Variants in GABRA5 observed in about 807,000 individuals in gnomAD.
GABRA5 encodes gamma-aminobutyric acid type A receptor subunit alpha5.
A neutral mutation model predicts 47.3 loss-of-function variants in GABRA5; 18 were observed. The ratio of observed to expected loss-of-function variants is 0.38; its 90% CI spans 0.26 to 0.56. The LOEUF (loss-of-function observed/expected upper bound fraction) is 0.56. GABRA5 is among the 20% of genes least tolerant of loss of function. GABRA5 has a pLI of 0.71. For synonymous variants in GABRA5, 237 were observed against 229.3 expected (o/e 1.03, Z -0.30); for missense variants, 365 against 599.3 (o/e 0.61, Z 4.08).
At chr15:26,885,556 A>G (rs1892858403) in intron 6 of GABRA5, among the ~76,000 whole-genome samples, 1 of 152,196 alleles carries the variant, frequency 6.6e-6, no homozygotes, top group African/African-American at 2.4e-5. Flanking sequence ...AGAGCACACA[A>G]CTTGGCATTT....
chr15:26,881,866 A>C (rs759683925), intron 4 of GABRA5, among the ~76,000 whole-genome samples: 2 of 151,986 alleles, frequency 1.3e-5, no homozygotes, highest in African/African-American at 2.4e-5. Flanking sequence ...TGCCCAGCTA[A>C]TTTTTGTGTT....
chr15:26,900,659 C>T (rs368972273), intron 6 of GABRA5, among the ~76,000 whole-genome samples: 4 of 152,136 alleles, frequency 2.6e-5, no homozygotes, highest in African/African-American at 9.6e-5. Context: ...CATCCCCAAC[C>T]AGAGTGGCAC....
chr15:26,884,170 C>CA (rs1384165949), intron 6 of GABRA5, among the ~76,000 whole-genome samples: 4 of 151,410 alleles, frequency 2.6e-5, no homozygotes, highest in Admixed American at 2.6e-4. Context: ...GCCTGGGTGA[C>CA]AGAGTGAGAT....
At chr15:26,945,753 G>A (rs1393324479) in intron 10 of GABRA5, among the ~76,000 whole-genome samples, 4 of 152,160 alleles carry the variant, frequency 2.6e-5, no homozygotes, top group East Asian at 3.9e-4. Flanking sequence ...TCCAGGGCGC[G>A]TGTAAATCTC....
chr15:26,880,821 T>G, intron 3 of GABRA5, 25 bp from the exon 4 acceptor site: 2 of 1,611,730 alleles, frequency 1.2e-6, no homozygotes, highest in Non-Finnish European at 1.7e-6. Context: ...GTTTTAACGC[T>G]TCCTCTTGTT....
At chr15:26,926,894 T>G (rs1893973652) in intron 7 of GABRA5, among the ~76,000 whole-genome samples, 1 of 152,170 alleles carries the variant, frequency 6.6e-6, no homozygotes, top group South Asian at 2.1e-4. Context: ...ATTTCCTAAA[T>G]TTTCATCTTT....
At chr15:26,931,711 A>G (rs1237998660) in intron 7 of GABRA5, among the ~76,000 whole-genome samples, 3 of 152,208 alleles carry the variant, frequency 2.0e-5, no homozygotes, top group Admixed American at 2.0e-4. Flanking sequence ...AATATTTATT[A>G]TGAGGACCAT....
intron 8 of GABRA5, chr15:26,939,176 A>G: frequency 1.3e-6 from 1 of 754,112 alleles, no homozygotes; most frequent in South Asian, 1.4e-5. Context: ...CCAGGTAGCA[A>G]GAAGACTGGC....
chr15:26,939,219 C>T lies in GABRA5; in HGVS notation c.725-706C>T, dbSNP rs1273206924. 4 of 764,842 alleles carry T rather than the reference C, an allele frequency of 5.2e-6. No homozygotes were observed. The South Asian group carries it at 5.4e-5, about 10-fold the overall frequency. 47.4% of individuals were successfully genotyped at this position (764,842 alleles called of 1,614,324 possible). ...GCCTCACACTCCCTGACCACAGCTC[C>T]CGACCTCAGCTCCTTACCAGTTCAC... On this transcript the variant is annotated intron_variant, in intron 8 of 10. Coordinates refer to ENST00000335625, the MANE Select transcript of GABRA5 (RefSeq NM_000810.4).
At chr15:26,905,346 A>G (rs1566875207) in intron 6 of GABRA5, among the ~76,000 whole-genome samples, 2 of 151,410 alleles carry the variant, frequency 1.3e-5, no homozygotes, top group Admixed American at 1.3e-4. Flanking sequence ...ATGGTTTCTG[A>G]TAGAAATCAC....
At chr15:26,903,279 A>G (rs754542619) in intron 6 of GABRA5, among the ~76,000 whole-genome samples, 1 of 152,156 alleles carries the variant, frequency 6.6e-6, no homozygotes, top group Non-Finnish European at 1.5e-5. Context: ...GTCCCCACAA[A>G]GGACATGATC....
intron 6 of GABRA5, among the ~76,000 whole-genome samples, chr15:26,904,997 G>A (rs996017341): frequency 1.3e-5 from 2 of 151,988 alleles, no homozygotes; most frequent in African/African-American, 2.4e-5. Context: ...GTACTATATC[G>A]AATAGGAGTG....
intron 7 of GABRA5, among the ~76,000 whole-genome samples, chr15:26,932,758 A>G (rs1338580076): frequency 6.6e-6 from 1 of 152,232 alleles, no homozygotes; most frequent in Admixed American, 6.5e-5. Context: ...CGTGGTACAT[A>G]TATACCGTGG....
intron 6 of GABRA5, among the ~76,000 whole-genome samples, chr15:26,910,008 A>C (rs1487526633): frequency 6.6e-6 from 1 of 152,230 alleles, no homozygotes; most frequent in Non-Finnish European, 1.5e-5. Context: ...AACTGGTAAT[A>C]GCCAAAGCCT....
chr15:26,893,889 C>T (rs1447383212), intron 6 of GABRA5, among the ~76,000 whole-genome samples: 2 of 152,170 alleles, frequency 1.3e-5, no homozygotes, highest in East Asian at 1.9e-4. Flanking sequence ...TATGTGCGCG[C>T]GGGGCGGCGG....
intron 6 of GABRA5, among the ~76,000 whole-genome samples, chr15:26,912,219 A>G (rs1204817255): frequency 6.6e-6 from 1 of 152,210 alleles, no homozygotes; most frequent in East Asian, 1.9e-4. Context: ...CTATGGATCT[A>G]ATCTTACAGC....
chr15:26,887,493 C>G (rs957980376), intron 6 of GABRA5, among the ~76,000 whole-genome samples: 1 of 152,054 alleles, frequency 6.6e-6, no homozygotes, highest in Non-Finnish European at 1.5e-5. Context: ...CCATGCCCAG[C>G]TAATTTTTGT....
intron 3 of GABRA5, among the ~76,000 whole-genome samples, chr15:26,870,787 A>G (rs1892448122): frequency 1.3e-5 from 2 of 152,222 alleles, no homozygotes; most frequent in Admixed American, 6.5e-5. Context: ...GAATATTCAA[A>G]TTTGTCATCT....
chr15:26,911,167 T>C (rs1893574223), intron 6 of GABRA5, among the ~76,000 whole-genome samples: 1 of 62,778 alleles, frequency 1.6e-5, no homozygotes, highest in South Asian at 7.0e-4. Flanking sequence ...TTTCCTGAGG[T>C]TTAGAATTCT....
Sources: allele counts gnomAD v4.1 joint callset (sites outside exome capture counted in the v4.1 genomes callset), GRCh38; gene constraint gnomAD v4.1.1; transcripts MANE v1.5; gene names NCBI Gene and HGNC (gene_info 2026-07-23, HGNC 2026-07-21).